The following PRKCE variants were observed in gnomAD, a reference collection of about 807,000 sequenced individuals.
The protein encoded by PRKCE is protein kinase C epsilon type.
In PRKCE, 16 loss-of-function variants were observed where a neutral mutation model predicts 85.4. That is an observed-to-expected ratio of 0.19 (90% CI 0.13 to 0.28). The LOEUF (loss-of-function observed/expected upper bound fraction) is 0.28. Among genes scored for constraint, PRKCE ranks in the 10% least tolerant of loss-of-function variants. The pLI, the probability that PRKCE is intolerant of heterozygous loss-of-function variation, is 1.00. For missense variants in PRKCE, 573 were observed against 975.2 expected (o/e 0.59, Z 5.49); for synonymous variants, 388 against 371.5 (o/e 1.04, Z -0.51).
intron 10 of PRKCE, among the ~76,000 whole-genome samples, chr2:46,037,020 C>T (rs1467566338): frequency 1.3e-5 from 2 of 152,182 alleles, no homozygotes; most frequent in African/African-American, 4.8e-5. Context: ...CAGGACGGAC[C>T]CTCCTCCTCG....
intron 1 of PRKCE, among the ~76,000 whole-genome samples, chr2:45,693,220 CTT>C (rs1412009796): frequency 6.6e-6 from 1 of 152,094 alleles, no homozygotes; most frequent in Non-Finnish European, 1.5e-5. Flanking sequence ...AAGGTGAAGA[CTT>C]TATTTAGGCA....
At chr2:45,733,161 C>G (rs77355462) in intron 1 of PRKCE, among the ~76,000 whole-genome samples, 1 of 152,338 alleles carries the variant, frequency 6.6e-6, no homozygotes, top group East Asian at 1.9e-4. Context: ...CTCTCAGAAG[C>G]TGGCTGAGGA....
chr2:46,146,441 G>A (rs1676076702), intron 12 of PRKCE, among the ~76,000 whole-genome samples: 1 of 152,210 alleles, frequency 6.6e-6, no homozygotes, highest in Non-Finnish European at 1.5e-5. Flanking sequence ...TGGTCTAAAG[G>A]GAGTGATAGA....
In PRKCE at chr2:45,716,690, A is replaced by AGAAGGAAGGAAGGAAG. The variant is rs750015013; in HGVS notation, c.348+64270_348+64285dup. On this transcript the variant is annotated intron_variant, in intron 1 of 14. Coordinates refer to ENST00000306156, the MANE Select transcript of PRKCE (RefSeq NM_005400.3). Reference sequence around the variant, plus strand: ...GAAAAAGAAGAAGAAGAAGAAGAAGAGAAGGAAGGAAGGAAGGAAGGAAGG... The same window carrying AGAAGGAAGGAAGGAAG: ...GAAAAAGAAGAAGAAGAAGAAGAAGAGAAGGAAGGAAGGAAGGAAGGAAGGAAGGAAGGAAGGAAGG... Among the ~76,000 whole-genome samples, 153 of 112,500 alleles carry AGAAGGAAGGAAGGAAG rather than the reference A, an allele frequency of 1.4e-3. 1 individual carries two copies. The highest frequency in any genetic ancestry group is 4.5e-3 in the African/African-American group (125 of 27,508). The allele number at this position is 112,500 out of a possible 152,430, so 73.8% of individuals were successfully genotyped here. A position where few individuals can be genotyped will look rare whatever the true frequency, so the allele number is the denominator to read the frequency against.
At chr2:45,965,143 C>A (rs942827761) in intron 2 of PRKCE, among the ~76,000 whole-genome samples, 1 of 152,208 alleles carries the variant, frequency 6.6e-6, no homozygotes, top group Non-Finnish European at 1.5e-5. Flanking sequence ...CAGATAGCAT[C>A]GAATAATCTC....
At chr2:45,882,927 C>T (rs372442712) in intron 2 of PRKCE, among the ~76,000 whole-genome samples, 125 of 152,354 alleles carry the variant, frequency 8.2e-4, no homozygotes, top group African/African-American at 2.9e-3. Context: ...GCCGCTGCTT[C>T]GGAAATGCAA....
intron 2 of PRKCE, among the ~76,000 whole-genome samples, chr2:45,866,853 C>T (rs1051508237): frequency 2.0e-5 from 3 of 152,202 alleles, no homozygotes; most frequent in African/African-American, 7.2e-5. Context: ...TATTGGCCAG[C>T]ACTGGCACAT....
chr2:46,070,882 G>T (rs1668030240), intron 10 of PRKCE, among the ~76,000 whole-genome samples: 1 of 152,152 alleles, frequency 6.6e-6, no homozygotes, highest in African/African-American at 2.4e-5. Flanking sequence ...TGCATCAATG[G>T]AAAAGTAGCT....
At chr2:46,075,058 T>C (rs1668434879) in intron 10 of PRKCE, among the ~76,000 whole-genome samples, 1 of 152,194 alleles carries the variant, frequency 6.6e-6, no homozygotes, top group South Asian at 2.1e-4. Flanking sequence ...TTTCTTGTTT[T>C]GAGACGGAGT....
chr2:45,815,132 C>G (rs1032520561), intron 1 of PRKCE, among the ~76,000 whole-genome samples: 7 of 152,158 alleles, frequency 4.6e-5, no homozygotes, highest in Admixed American at 2.0e-4. Context: ...GCCAGAACCT[C>G]ATTACCATTT....
At chr2:45,857,881 T>C (rs1447700678) in intron 2 of PRKCE, among the ~76,000 whole-genome samples, 1 of 152,238 alleles carries the variant, frequency 6.6e-6, no homozygotes, top group Non-Finnish European at 1.5e-5. Context: ...AGGAAATATT[T>C]GTTAAATGAT....
intron 2 of PRKCE, among the ~76,000 whole-genome samples, chr2:45,951,692 C>T (rs1270010241): frequency 6.6e-6 from 1 of 152,244 alleles, no homozygotes; most frequent in Non-Finnish European, 1.5e-5. Flanking sequence ...CACTTTTGTA[C>T]ACAACCACAT....
chr2:46,158,015 G>A (rs4596024), intron 13 of PRKCE, among the ~76,000 whole-genome samples: 128,142 of 152,282 alleles, frequency 0.84, 54,081 homozygotes, highest in East Asian at 0.97. Flanking sequence ...CTCCCTCAGT[G>A]CTATGCCCTG....
intron 1 of PRKCE, among the ~76,000 whole-genome samples, chr2:45,815,450 C>A (rs1363503133): frequency 6.6e-6 from 1 of 152,158 alleles, no homozygotes; most frequent in East Asian, 1.9e-4. Context: ...GTCCTACATT[C>A]CCCTATTCTT....
intron 1 of PRKCE, among the ~76,000 whole-genome samples, chr2:45,666,708 C>T (rs1005320470): frequency 6.6e-6 from 1 of 151,998 alleles, no homozygotes; most frequent in Non-Finnish European, 1.5e-5. Flanking sequence ...ATTACTGATG[C>T]CCAGTGTTGA....
At position 46,159,584 on chromosome 2, in the gene PRKCE, G is replaced by T; in HGVS notation, c.1921-22G>T. On this transcript the variant is annotated intron_variant, in intron 13 of 14. Coordinates refer to ENST00000306156, the MANE Select transcript of PRKCE (RefSeq NM_005400.3). This position sits in a 1 kb window ranked among gnomAD's most constrained non-coding sequence, Gnocchi z 4.1. ...TGGCCAGGCCTTTGTCACTAATTCC[G>T]ACTCTGTCCTCATCCCTGCAGTTCA... 1 of 1,567,612 alleles carries T rather than the reference G, an allele frequency of 6.4e-7. No individual in the cohort carries two copies. Among genetic ancestry groups the T allele is most frequent in the South Asian group, 1.2e-5 (1 of 86,406 alleles).
chr2:45,886,867 T>C (rs151304398), intron 2 of PRKCE, among the ~76,000 whole-genome samples: 153 of 152,352 alleles, frequency 1.0e-3, no homozygotes, highest in African/African-American at 3.5e-3. Flanking sequence ...GTAATGATAG[T>C]AGTAGTAATA....
rs550584783 is a variant in PRKCE at position 46,040,395 on chromosome 2, C to A, written c.1437+29878C>A. ...TGGAGGACAGACAGATGGCAGAGCA[C>A]CGTGAATACCTTAGGATAGTGTTGT... On this transcript the variant is annotated intron_variant, in intron 10 of 14. Coordinates refer to ENST00000306156, the MANE Select transcript of PRKCE (RefSeq NM_005400.3). Among the ~76,000 whole-genome samples the A allele has an allele frequency of 2.0e-5, 3 of 152,272 alleles. No individual in the cohort carries two copies. The South Asian group carries it at 6.2e-4, about 32-fold the overall frequency.
chr2:46,181,875 C>G (rs556068119), intron 14 of PRKCE, among the ~76,000 whole-genome samples: 1 of 152,216 alleles, frequency 6.6e-6, no homozygotes, highest in African/African-American at 2.4e-5. Flanking sequence ...AAGAGGGAGC[C>G]TCCTCAGTGT....
Sources: gnomAD v4.1 joint callset for allele counts (sites outside exome capture counted in the v4.1 genomes callset) on GRCh38, gnomAD v4.1.1 for gene constraint, Gnocchi (gnomAD v3.1) non-coding constraint, MANE v1.5 for transcripts, NCBI Gene and HGNC (gene_info 2026-07-23, HGNC 2026-07-21) for gene names.